EFCAB6: variants seen among roughly 807,000 people sequenced by gnomAD.
EFCAB6 encodes the protein EF-hand calcium binding domain 6.
In EFCAB6, 156 loss-of-function variants were observed where a neutral mutation model predicts 169.8. The ratio of observed to expected loss-of-function variants is 0.92; its 90% confidence interval spans 0.81 to 1.05. The LOEUF is 1.05. Among genes scored for constraint, EFCAB6 ranks in the 50% least tolerant of loss-of-function variants. The pLI is 0.00. For synonymous variants in EFCAB6, 698 were observed against 676.4 expected, an observed-to-expected ratio of 1.03 and a Z score of -0.50; for missense variants, 1,800 against 1,829.1, an observed-to-expected ratio of 0.98 and a Z score of 0.29.
At chr22:43,686,064 C>T (rs940080497) in intron 11 of EFCAB6, among the ~76,000 whole-genome samples, 8 of 150,360 alleles carry the variant, frequency 5.3e-5, no homozygotes, top group Non-Finnish European at 8.9e-5. Context: ...CACTGCAAAC[C>T]TCTGCATCCT....
intron 17 of EFCAB6, among the ~76,000 whole-genome samples, chr22:43,646,756 T>A (rs760586055): frequency 3.1e-4 from 47 of 152,280 alleles, no homozygotes; most frequent in South Asian, 1.4e-3. Flanking sequence ...GAAATGCAAA[T>A]TAAAGTAATG....
rs143417833 is a variant in EFCAB6 at position 43,767,735 on chromosome 22, C to A, written c.352-2342G>T. On this transcript the variant is annotated intron_variant, in intron 4 of 31. Transcript: ENST00000262726. Reference sequence around the variant, plus strand: ...CCCTACCCATGAAGAAAAAGACAGCCCGTCAAATTATTCAAGCTTTCATTG... The same window carrying A: ...CCCTACCCATGAAGAAAAAGACAGCACGTCAAATTATTCAAGCTTTCATTG... 4.2e-3 allele frequency among the ~76,000 whole-genome samples: 645 copies of A among 152,258 alleles called. 2 individuals are homozygous for A. The highest frequency in any genetic ancestry group is 0.027 in the Middle Eastern group (8 of 292).
chr22:43,549,178 A>T (rs2048245258), intron 27 of EFCAB6, among the ~76,000 whole-genome samples: 1 of 152,182 alleles, frequency 6.6e-6, no homozygotes. Context: ...GAACAGCTGA[A>T]ATCAGAAAGC....
intron 4 of EFCAB6, among the ~76,000 whole-genome samples, chr22:43,771,490 A>G (rs1471561780): frequency 3.9e-5 from 6 of 152,156 alleles, no homozygotes; most frequent in Admixed American, 3.9e-4. Context: ...AAATACATAT[A>G]TACTTGTCTG....
intron 25 of EFCAB6, 56 bp downstream of exon 25, chr22:43,580,408 G>A (rs2050642784): frequency 1.3e-6 from 2 of 1,575,632 alleles, no homozygotes; most frequent in Non-Finnish European, 1.7e-6. Context: ...GGGCTGAGAG[G>A]TGTTTTCATG....
At chr22:43,661,338 T>C (rs1426343522) in intron 17 of EFCAB6, among the ~76,000 whole-genome samples, 3 of 152,110 alleles carry the variant, frequency 2.0e-5, no homozygotes, top group African/African-American at 4.8e-5. Flanking sequence ...GATCGCACCA[T>C]TGCACTCCAG....
chr22:43,617,089 C>T (rs1429121767), intron 20 of EFCAB6, among the ~76,000 whole-genome samples: 1 of 152,166 alleles, frequency 6.6e-6, no homozygotes, highest in Non-Finnish European at 1.5e-5. Context: ...CAACTGCCTA[C>T]CGGACTCTGC....
chr22:43,667,104 C>T lies in EFCAB6; in HGVS notation c.1983G>A (p.Lys661=), dbSNP rs2057297587. 4 of 1,612,308 alleles carry T rather than the reference C, an allele frequency of 2.5e-6. No individual in the cohort carries two copies. The South Asian group carries it at 4.4e-5, about 18-fold the overall frequency. ...NGKINVHDFK[K]VLEDTGMPMD... is the part of the protein sequence containing the mutation. ...AACAAAGAGAAACCCATTCTCCTAC[C>T]TTCTTAAAGTCATGCACGTTAATTT... is the stretch of plus-strand genomic sequence containing the variant. The change falls in exon 17 of 32, where the codon AAG becomes AAA. Residue 661 remains lysine, a splice_region_variant and synonymous_variant. Transcript: ENST00000262726.
intron 10 of EFCAB6, among the ~76,000 whole-genome samples, chr22:43,690,811 C>A (rs1020439133): frequency 6.6e-6 from 1 of 151,736 alleles, no homozygotes; most frequent in Non-Finnish European, 1.5e-5. Context: ...TTACCTACTT[C>A]CCATAGTTTC....
At chr22:43,734,059 T>C (rs2060049491) in intron 7 of EFCAB6, among the ~76,000 whole-genome samples, 1 of 152,084 alleles carries the variant, frequency 6.6e-6, no homozygotes, top group African/African-American at 2.4e-5. Flanking sequence ...CAGGAGCTAC[T>C]CTGAGGCCCT....
intron 3 of EFCAB6, among the ~76,000 whole-genome samples, chr22:43,775,430 C>T (rs974832614): frequency 4.6e-5 from 7 of 152,114 alleles, no homozygotes; most frequent in Non-Finnish European, 8.8e-5. Context: ...CAAGCTGCTA[C>T]GGCCTCTGCC....
chr22:43,720,283 C>T (rs571710732), intron 8 of EFCAB6, among the ~76,000 whole-genome samples: 11 of 151,404 alleles, frequency 7.3e-5, no homozygotes, highest in Admixed American at 6.6e-4. Flanking sequence ...TTTGAGAGAC[C>T]GAGGCAGGAA....
chr22:43,699,370 T>C (rs1427307856), intron 10 of EFCAB6, among the ~76,000 whole-genome samples: 5 of 152,168 alleles, frequency 3.3e-5, no homozygotes, highest in Admixed American at 2.6e-4. Context: ...CCTGTCCTCG[T>C]TCATTTCAGT....
intron 6 of EFCAB6, among the ~76,000 whole-genome samples, chr22:43,753,388 A>T (rs1451818462): frequency 1.3e-5 from 2 of 152,218 alleles, no homozygotes; most frequent in African/African-American, 2.4e-5. Context: ...ACCTGAGTGC[A>T]GATTAAACCA....
At chr22:43,735,072 C>G (rs897829867) in intron 7 of EFCAB6, among the ~76,000 whole-genome samples, 1 of 152,168 alleles carries the variant, frequency 6.6e-6, no homozygotes, top group Admixed American at 6.5e-5. Flanking sequence ...GACCTCTCGG[C>G]TGGGTACTGT....
intron 28 of EFCAB6, among the ~76,000 whole-genome samples, chr22:43,539,781 A>T (rs976653198): frequency 2.6e-5 from 4 of 152,212 alleles, no homozygotes; most frequent in African/African-American, 9.7e-5. Context: ...GGTGGCCCGC[A>T]GTTGACCACA....
intron 3 of EFCAB6, among the ~76,000 whole-genome samples, chr22:43,780,420 G>A (rs1159022668): frequency 1.4e-5 from 2 of 144,504 alleles, no homozygotes; most frequent in Admixed American, 1.4e-4. Flanking sequence ...CTGGGAGGCA[G>A]AGGTTGCAGT....
intron 9 of EFCAB6, among the ~76,000 whole-genome samples, chr22:43,714,815 A>G (rs2059276751): frequency 6.6e-6 from 1 of 152,210 alleles, no homozygotes; most frequent in African/African-American, 2.4e-5. Context: ...TGACAATGAA[A>G]TCCAGCCAAC....
rs773235865 is a variant in EFCAB6 at position 43,530,951 on chromosome 22, G to A, written c.4247C>T (p.Ala1416Val). The A allele has an allele frequency of 1.2e-6, 2 of 1,614,086 alleles. No homozygotes were observed. The highest frequency in any genetic ancestry group is 1.7e-5 in the Admixed American group (1 of 60,016). Residue 1416 changes from alanine (A) to valine (V), a missense_variant, in exon 31 of 32, where the codon GCG (alanine) becomes GTG (valine). Ala to Val is a moderately conservative substitution (Grantham distance 64). Transcript: ENST00000262726. ...AGCAGAGTAAAAAGATGGCGTCTCC[G>A]CGCCGGCTTCTTTCTAGACACAAGA... Reference protein sequence around the residue: ...QNAHKMKEAGAETPSFYSALL... With the variant: ...QNAHKMKEAGVETPSFYSALL...
Sources: allele counts gnomAD v4.1 joint callset (sites outside exome capture counted in the v4.1 genomes callset), GRCh38; gene constraint gnomAD v4.1.1; transcripts MANE v1.5; gene names NCBI Gene and HGNC (gene_info 2026-07-23, HGNC 2026-07-21).